Variants in CD302 observed in about 807,000 individuals in gnomAD.
The protein encoded by CD302 is CD302 molecule.
Under a neutral mutation model 26.5 loss-of-function variants are expected in CD302, and 23 were observed. That is an observed-to-expected ratio of 0.87 (90% CI 0.62 to 1.23). The LOEUF is 1.23. Ranked by LOEUF, CD302 falls within the 50% of genes most tolerant of loss-of-function variation. The pLI is 0.00. For missense variants in CD302, 290 were observed against 275.5 expected, an observed-to-expected ratio of 1.05 and a Z score of -0.37; for synonymous variants, 90 against 99.4, an observed-to-expected ratio of 0.91 and a Z score of 0.56.
chr2:159,797,403 A>G (rs1682478260), intron 1 of CD302, among the ~76,000 whole-genome samples: 1 of 152,124 alleles, frequency 6.6e-6, no homozygotes, highest in Non-Finnish European at 1.5e-5. Flanking sequence ...ACATGCTTGT[A>G]TGGAAATTTT....
intron 3 of CD302, 27 bp from the exon 4 acceptor site, chr2:159,780,205 T>C: frequency 6.2e-7 from 1 of 1,608,662 alleles, no homozygotes; most frequent in Non-Finnish European, 8.5e-7. Flanking sequence ...ATTTTCAACA[T>C]TATGACAGTT....
intron 5 of CD302, among the ~76,000 whole-genome samples, chr2:159,777,681 AAATT>A (rs1336562139): frequency 6.6e-6 from 1 of 152,224 alleles, no homozygotes; most frequent in Admixed American, 6.5e-5. Context: ...CTTAGGGAAA[AAATT>A]CAGTGAATGT....
chr2:159,794,900 A>G (rs1427472422), intron 1 of CD302, among the ~76,000 whole-genome samples: 2 of 151,820 alleles, frequency 1.3e-5, no homozygotes, highest in Admixed American at 6.6e-5. Flanking sequence ...TTTCCCCTGA[A>G]ACATAACTGT....
intron 2 of CD302, among the ~76,000 whole-genome samples, chr2:159,782,097 T>G (rs1182625119): frequency 1.3e-5 from 2 of 151,866 alleles, no homozygotes; most frequent in Admixed American, 6.6e-5. Context: ...TGAAACCTTG[T>G]TTCTACTAAA....
chr2:159,771,878 T>C lies in CD302; in HGVS notation c.672A>G (p.Glu224=). The C allele has an allele frequency of 6.2e-7, 1 of 1,614,008 alleles. No homozygotes were observed. Among genetic ancestry groups the C allele is most frequent in the Non-Finnish European group, 8.5e-7 (1 of 1,179,902 alleles). The part of the protein sequence containing the change: ...NEDCVLVVGE[E]NEYPVQFD ...AGTCAAATTGAACAGGATATTCATT[T>C]TCTTCTCCAACTACCAAAACACAGT... is the stretch of plus-strand genomic sequence containing the variant. Residue 224 remains glutamate (E), a synonymous_variant, in exon 6 of 6, where the codon GAA becomes GAG. Coordinates refer to ENST00000259053, the MANE Select transcript of CD302 (RefSeq NM_014880.5).
At chr2:159,778,285 G>A (rs1708399217) in intron 4 of CD302, among the ~76,000 whole-genome samples, 1 of 152,132 alleles carries the variant, frequency 6.6e-6, no homozygotes. Context: ...GAAAACAAAT[G>A]TCATAAAATT....
Position 159,770,622 on chromosome 2 carries a change from TG to T in CD302, c.*1228del, listed in dbSNP as rs1708114431. 3 of 152,196 alleles carry T rather than the reference TG, an allele frequency of 2.0e-5. No homozygotes were observed. Among genetic ancestry groups the T allele is most frequent in the Admixed American group, 2.0e-4 (3 of 15,284 alleles). 9.4% of individuals were successfully genotyped at this position (152,196 alleles called of 1,614,324 possible). A position where few individuals can be genotyped will look rare whatever the true frequency, so the allele number is the denominator to read the frequency against. On this transcript the variant is annotated 3_prime_UTR_variant, in exon 6 of 6. Coordinates refer to ENST00000259053, the MANE Select transcript of CD302 (RefSeq NM_014880.5). Reference sequence around the variant, plus strand: ...CTAGACAGTATACTTCAGTCAGTAATGGACCACATATAGAACAGTGTTTCCT... The same window carrying T: ...CTAGACAGTATACTTCAGTCAGTAATGACCACATATAGAACAGTGTTTCCT...
At chr2:159,785,405 A>G (rs6740540) in intron 1 of CD302, among the ~76,000 whole-genome samples, 21,827 of 152,218 alleles carry the variant, frequency 0.14, 2,782 homozygotes, top group African/African-American at 0.35. Context: ...GCTTAAAGAT[A>G]CGGTTGTTTT....
Position 159,769,119 on chromosome 2 carries a change from G to C in CD302, c.*2732C>G, listed in dbSNP as rs1241162506. 6.6e-6 allele frequency: 1 copy of C among 152,134 alleles called. No individual in the cohort carries two copies. Among genetic ancestry groups the C allele is most frequent in the Non-Finnish European group, 1.5e-5 (1 of 68,024 alleles). The allele number at this position is 152,134 out of a possible 1,614,324, so 9.4% of individuals were successfully genotyped here. A position where few individuals can be genotyped will look rare whatever the true frequency, so the allele number is the denominator to read the frequency against. On this transcript the variant is annotated 3_prime_UTR_variant, in exon 6 of 6. Coordinates refer to ENST00000259053, the MANE Select transcript of CD302 (RefSeq NM_014880.5). Reference sequence around the variant, plus strand: ...TATCAGTTTTAAATTCTGAACAAAAGAGACCATACACTGCTCACTACAAGA... The same window carrying C: ...TATCAGTTTTAAATTCTGAACAAAACAGACCATACACTGCTCACTACAAGA...
At chr2:159,777,201 A>G (rs1438816396) in intron 5 of CD302, among the ~76,000 whole-genome samples, 3 of 152,234 alleles carry the variant, frequency 2.0e-5, no homozygotes, top group African/African-American at 7.2e-5. Flanking sequence ...CGGTGAGTCA[A>G]GCTCACACCA....
rs186367871 is a variant in CD302 at position 159,789,555 on chromosome 2, C to G, written c.68-6086G>C. On this transcript the variant is annotated intron_variant, in intron 1 of 5. Transcript: ENST00000259053. ...CCCTGCACCCTCACACCCCCTTAGG[C>G]CTGTTTTTTTTTTTTGTTCTGTCTG... 2.4e-3 allele frequency among the ~76,000 whole-genome samples: 266 copies of G among 108,694 alleles called. 1 individual carries two copies. Among genetic ancestry groups the G allele is most frequent in the Non-Finnish European group, 3.7e-3 (203 of 54,288 alleles). The allele number at this position is 108,694 out of a possible 152,430, so 71.3% of individuals were successfully genotyped here. A position where few individuals can be genotyped will look rare whatever the true frequency, so the allele number is the denominator to read the frequency against.
intron 2 of CD302, among the ~76,000 whole-genome samples, 160 bp downstream of exon 2, chr2:159,783,199 A>T (rs1204167817): frequency 6.6e-6 from 1 of 152,222 alleles, no homozygotes; most frequent in African/African-American, 2.4e-5. Context: ...TATATACCCA[A>T]TTCCACTGCC....
At chr2:159,798,018 C>CCGGGTGTTGCGTCTGCGGGCCGCCCT in intron 1 of CD302, 114 bp downstream of exon 1, 1 of 1,008,768 alleles carries the variant, frequency 9.9e-7, no homozygotes, top group Non-Finnish European at 1.4e-6. Flanking sequence ...GGATGGCCGG[C>CCGGGTGTTGCGTCTGCGGGCCGCCCT]CGGGTGTTGC....
intron 5 of CD302, among the ~76,000 whole-genome samples, chr2:159,776,306 G>A (rs569108413): frequency 1.3e-5 from 2 of 152,108 alleles, no homozygotes; most frequent in African/African-American, 4.8e-5. Context: ...CACTTGGGTT[G>A]CTTCCACCTT....
At chr2:159,792,521 A>G (rs1265220458) in intron 1 of CD302, among the ~76,000 whole-genome samples, 1 of 151,288 alleles carries the variant, frequency 6.6e-6, no homozygotes, top group Non-Finnish European at 1.5e-5. Flanking sequence ...CAGAGGGAGG[A>G]GCAAACACAA....
chr2:159,782,269 C>T (rs946077138), intron 2 of CD302, among the ~76,000 whole-genome samples: 4 of 151,694 alleles, frequency 2.6e-5, no homozygotes, highest in African/African-American at 7.3e-5. Context: ...AAAAATTAGC[C>T]GGGCCTATTG....
intron 1 of CD302, among the ~76,000 whole-genome samples, chr2:159,791,751 C>T (rs1164348465): frequency 6.6e-6 from 1 of 152,210 alleles, no homozygotes; most frequent in Non-Finnish European, 1.5e-5. Context: ...TTTAACCTTA[C>T]TGTGTCCCAG....
chr2:159,772,101 G>A, intron 5 of CD302, 48 bp from the exon 6 acceptor site: 1 of 1,578,812 alleles, frequency 6.3e-7, no homozygotes, highest in Non-Finnish European at 8.7e-7. Context: ...GGGTACACAA[G>A]TTGCAAGTAT....
chr2:159,775,908 G>GTT (rs1286100064), intron 5 of CD302, among the ~76,000 whole-genome samples: 3 of 149,504 alleles, frequency 2.0e-5, no homozygotes, highest in Non-Finnish European at 4.4e-5. Context: ...TTTTGTGGTG[G>GTT]TTTTGTTTTG....
Sources: gnomAD v4.1 joint callset for allele counts (sites outside exome capture counted in the v4.1 genomes callset) on GRCh38, gnomAD v4.1.1 for gene constraint, MANE v1.5 for transcripts, NCBI Gene and HGNC (gene_info 2026-07-23, HGNC 2026-07-21) for gene names.